Variants in APBA2 observed in about 807,000 individuals in gnomAD.
The protein encoded by APBA2 is amyloid beta precursor protein binding family A member 2.
APBA2 carries 30 observed loss-of-function variants against 75.0 expected under a neutral mutation model. The observed-to-expected ratio is 0.40, with a 90% CI of 0.30 to 0.54. APBA2 has a LOEUF of 0.54. Among genes scored for constraint, APBA2 ranks in the 20% least tolerant of loss-of-function variants. APBA2 has a pLI of 0.49. For synonymous variants in APBA2, 444 were observed against 409.6 expected (o/e 1.08, Z -1.01); for missense variants, 801 against 1,016.1 (o/e 0.79, Z 2.88).
chr15:28,960,590 C>T (rs2152737132), intron 2 of APBA2, among the ~76,000 whole-genome samples: 1 of 152,120 alleles, frequency 6.6e-6, no homozygotes, highest in South Asian at 2.1e-4. Context: ...GATGGACTCT[C>T]ACACCCTCCT....
intron 13 of APBA2, 172 bp downstream of exon 13, chr15:29,108,561 G>A (rs894548000): frequency 9.7e-7 from 1 of 1,031,442 alleles, no homozygotes; most frequent in Non-Finnish European, 1.4e-6. Flanking sequence ...TGGCTCTCTG[G>A]GAGGTCCTGG....
intron 1 of APBA2, chr15:28,919,373 C>T (rs1438472477): frequency 6.6e-6 from 1 of 152,222 alleles, no homozygotes; most frequent in South Asian, 2.1e-4. Flanking sequence ...AATGAACAAC[C>T]GCTGACTTCC....
intron 8 of APBA2, 90 bp downstream of exon 8, chr15:29,094,403 G>A: frequency 1.6e-6 from 2 of 1,256,710 alleles, no homozygotes; most frequent in Non-Finnish European, 2.3e-6. Flanking sequence ...GGTTCCCCTG[G>A]GGATCTAAAT....
intron 1 of APBA2, among the ~76,000 whole-genome samples, chr15:28,896,208 G>A (rs957503175): frequency 6.6e-6 from 1 of 152,162 alleles, no homozygotes; most frequent in African/African-American, 2.4e-5. Context: ...TCATCTTGAT[G>A]GTTTTAATCA....
At chr15:28,946,530 C>T (rs79301470) in intron 2 of APBA2, among the ~76,000 whole-genome samples, 13,058 of 152,204 alleles carry the variant, frequency 0.086, 1,051 homozygotes, top group East Asian at 0.33. Context: ...ACACCATGAC[C>T]TTAGCCCAAG....
intron 2 of APBA2, among the ~76,000 whole-genome samples, chr15:28,993,932 CAG>C (rs1293725890): frequency 1.3e-5 from 2 of 152,168 alleles, no homozygotes; most frequent in Non-Finnish European, 2.9e-5. Flanking sequence ...CTGGAGAGGA[CAG>C]GGGCTGGCAG....
intron 1 of APBA2, among the ~76,000 whole-genome samples, chr15:28,915,526 C>A (rs1389017251): frequency 1.3e-5 from 2 of 151,120 alleles, no homozygotes; most frequent in Non-Finnish European, 3.0e-5. Flanking sequence ...ACACCACACA[C>A]ACCCCATAGA....
At chr15:29,076,239 C>G in intron 6 of APBA2, 148 bp downstream of exon 6, 1 of 881,522 alleles carries the variant, frequency 1.1e-6, no homozygotes, top group Non-Finnish European at 1.9e-6. Flanking sequence ...TCTGTTTGAA[C>G]ACTGTGTAGC....
At chr15:28,889,510 A>G (rs1386693572) in intron 1 of APBA2, among the ~76,000 whole-genome samples, 1 of 152,150 alleles carries the variant, frequency 6.6e-6, no homozygotes, top group African/African-American at 2.4e-5. Context: ...GATTTTCTCA[A>G]GTTCCCCCAC....
At chr15:28,978,227 C>T (rs541010427) in intron 2 of APBA2, among the ~76,000 whole-genome samples, 3 of 152,326 alleles carry the variant, frequency 2.0e-5, no homozygotes, top group Non-Finnish European at 2.9e-5. Flanking sequence ...ATGTCGCTTC[C>T]CAGTTTGCTG....
At chr15:29,060,415 C>A (rs890443552) in intron 4 of APBA2, among the ~76,000 whole-genome samples, 6 of 152,142 alleles carry the variant, frequency 3.9e-5, no homozygotes, top group Non-Finnish European at 7.4e-5. Context: ...CATAACACAG[C>A]CCTTGAAGAA....
chr15:28,915,893 A>C (rs1245259605), intron 1 of APBA2, among the ~76,000 whole-genome samples: 2 of 151,494 alleles, frequency 1.3e-5, no homozygotes, highest in Non-Finnish European at 2.9e-5. Context: ...ACACACATGC[A>C]CCACACACCC....
rs145082040 is a variant in APBA2, at chr15:29,115,006, C to CTG, written c.2178+1000_2178+1001dup. On this transcript the variant is annotated intron_variant, in intron 14 of 14. Transcript: ENST00000683413. ...GTGAGGAGAGTGTGAGTGGGTGTGT[C>CTG]TGTGTGTGTGTAGGGGTGTGTGAAG... is the stretch of plus-strand genomic sequence containing the variant. Among the ~76,000 whole-genome samples the CTG allele has an allele frequency of 1.7e-4, 25 of 150,016 alleles. No homozygotes were observed. The East Asian group carries it at 4.5e-3, about 27-fold the overall frequency.
chr15:29,074,565 A>G (rs929736527), intron 4 of APBA2, among the ~76,000 whole-genome samples: 7 of 152,164 alleles, frequency 4.6e-5, no homozygotes, highest in Admixed American at 2.6e-4. Flanking sequence ...GGGAAGAGGA[A>G]GACATTCTGA....
At chr15:29,102,195 GTCT>G (rs1307468986) in intron 10 of APBA2, 3 of 293,778 alleles carry the variant, frequency 1.0e-5, no homozygotes, top group Non-Finnish European at 2.0e-5. Context: ...TTTGCGTGTG[GTCT>G]TCAGAGGAAG....
intron 3 of APBA2, among the ~76,000 whole-genome samples, chr15:29,044,862 A>G (rs1352774066): frequency 1.3e-5 from 2 of 152,180 alleles, no homozygotes; most frequent in Admixed American, 6.5e-5. Flanking sequence ...AACAGCAGAC[A>G]TTTATTTCTC....
chr15:28,944,854 A>T (rs1056668846), intron 2 of APBA2, among the ~76,000 whole-genome samples: 1 of 152,206 alleles, frequency 6.6e-6, no homozygotes, highest in Non-Finnish European at 1.5e-5. Flanking sequence ...CAGCCCCGCC[A>T]TGCTGCTTGC....
At chr15:29,113,008 C>T (rs372439539) in intron 13 of APBA2, among the ~76,000 whole-genome samples, 5 of 152,156 alleles carry the variant, frequency 3.3e-5, no homozygotes, top group African/African-American at 7.2e-5. Flanking sequence ...GAGGTCTGTC[C>T]GTGTTGTAGC....
intron 2 of APBA2, among the ~76,000 whole-genome samples, chr15:28,936,314 G>A (rs1388942384): frequency 6.6e-6 from 1 of 152,166 alleles, no homozygotes; most frequent in East Asian, 1.9e-4. Context: ...TGACCCGCCA[G>A]CCAGCTTTGC....
Sources: allele counts gnomAD v4.1 joint callset (sites outside exome capture counted in the v4.1 genomes callset), GRCh38; gene constraint gnomAD v4.1.1; transcripts MANE v1.5; gene names NCBI Gene and HGNC (gene_info 2026-07-23, HGNC 2026-07-21).